The following NPNT variants were observed in gnomAD, a reference collection of about 807,000 sequenced individuals.
NPNT encodes the protein preosteoblast EGF-like repeat protein with MAM domain.
In NPNT, 45 loss-of-function variants were observed where a neutral mutation model predicts 68.6. That is an observed-to-expected ratio of 0.66 (90% CI 0.52 to 0.84). The LOEUF is 0.84. NPNT is among the 40% of genes least tolerant of loss of function. The pLI is 0.00. For missense variants in NPNT, 672 were observed against 714.8 expected (o/e 0.94, Z 0.68); for synonymous variants, 233 against 253.3 (o/e 0.92, Z 0.76).
At chr4:105,941,963 C>A (rs1467208127) in intron 7 of NPNT, among the ~76,000 whole-genome samples, 1 of 151,990 alleles carries the variant, frequency 6.6e-6, no homozygotes, top group Non-Finnish European at 1.5e-5. Context: ...TTTAAAAATT[C>A]TCATTGGTTG....
intron 8 of NPNT, among the ~76,000 whole-genome samples, chr4:105,956,105 T>C (rs1370428089): frequency 6.6e-6 from 1 of 152,080 alleles, no homozygotes; most frequent in African/African-American, 2.4e-5. Flanking sequence ...CCATCTGACA[T>C]TTTACAAGTT....
chr4:105,900,330 T>C (rs1248201833), intron 2 of NPNT, among the ~76,000 whole-genome samples: 5 of 152,132 alleles, frequency 3.3e-5, no homozygotes, highest in Non-Finnish European at 7.4e-5. Context: ...AGAAGGTGTG[T>C]TTGTAGGTAG....
rs765515665 is a variant in NPNT, at chr4:105,940,116, T to C, written c.547T>C (p.Phe183Leu). Residue 183 changes from phenylalanine (F) to leucine (L), a missense_variant, in exon 6 of 12, where the codon TTT becomes CTT. Coordinates refer to ENST00000379987, the MANE Select transcript of NPNT (RefSeq NM_001033047.3). ...TACAGGAAGAGCCTCCTGCCCTAGATTTAGGCAATGTGTCAACACTTTTGG... is the reference window on the plus strand; with the variant it reads ...TACAGGAAGAGCCTCCTGCCCTAGACTTAGGCAATGTGTCAACACTTTTGG... ...CATGRASCPR[F>L]RQCVNTFGSY... 1 of 1,612,678 alleles carries C rather than the reference T, an allele frequency of 6.2e-7. No individual in the cohort carries two copies. Among genetic ancestry groups the C allele is most frequent in the South Asian group, 1.1e-5 (1 of 91,062 alleles).
At chr4:105,939,038 A>C (rs1729717965) in intron 5 of NPNT, among the ~76,000 whole-genome samples, 1 of 152,176 alleles carries the variant, frequency 6.6e-6, no homozygotes, top group African/African-American at 2.4e-5. Flanking sequence ...AATGAATGGA[A>C]GTGTTTGGTG....
chr4:105,958,852 T>C (rs1731452163), intron 9 of NPNT, 176 bp from the exon 10 acceptor site: 1 of 579,700 alleles, frequency 1.7e-6, no homozygotes, highest in Non-Finnish European at 3.1e-6. Context: ...TTACAGATGA[T>C]GCACTATTGT....
intron 2 of NPNT, among the ~76,000 whole-genome samples, chr4:105,906,915 G>A (rs543072760): frequency 4.9e-4 from 75 of 152,232 alleles, no homozygotes; most frequent in African/African-American, 1.7e-3. Flanking sequence ...AAGGAGGAAA[G>A]GCATGAACAT....
intron 9 of NPNT, 73 bp from the exon 10 acceptor site, chr4:105,958,955 C>G (rs1470043877): frequency 2.2e-6 from 2 of 923,920 alleles, no homozygotes; most frequent in Non-Finnish European, 3.6e-6. Context: ...CTAGATACCC[C>G]TAGTTCATAG....
At chr4:105,919,302 G>C (rs62317723) in intron 2 of NPNT, among the ~76,000 whole-genome samples, 51,844 of 151,366 alleles carry the variant, frequency 0.34, 9,269 homozygotes, top group Middle Eastern at 0.42. Context: ...CCATTTTTAA[G>C]TAACTTACAG....
chr4:105,949,500 C>G (rs990655010), intron 8 of NPNT, among the ~76,000 whole-genome samples: 5 of 152,110 alleles, frequency 3.3e-5, no homozygotes, highest in African/African-American at 1.2e-4. Context: ...GCCAGAAAAG[C>G]AGCTATAAGT....
intron 1 of NPNT, 76 bp downstream of exon 1, chr4:105,895,799 C>T: frequency 9.8e-6 from 13 of 1,321,354 alleles, no homozygotes; most frequent in South Asian, 1.3e-5. Flanking sequence ...CACTTTTCCC[C>T]GCGGGGTTTC....
intron 2 of NPNT, among the ~76,000 whole-genome samples, chr4:105,920,396 A>AAAAAAAAAAAAAAAAAAAAAAAAAAAAAC (rs1728167283): frequency 3.9e-4 from 1 of 2,594 alleles, no homozygotes; most frequent in African/African-American, 5.6e-4. Context: ...TTACTCTACT[A>AAAAAAAAAAAAAAAAAAAAAAAAAAAAAC]AAAAAAAAAA....
intron 7 of NPNT, 84 bp from the exon 8 acceptor site, chr4:105,942,223 A>G: frequency 2.0e-6 from 2 of 1,023,886 alleles, no homozygotes; most frequent in Non-Finnish European, 2.9e-6. Flanking sequence ...AGTTGTCATT[A>G]GATGTTTTTA....
At position 105,942,557 on chromosome 4, in the gene NPNT, C is replaced by G. The variant is rs531659716; in HGVS notation, c.1014C>G (p.Leu338=). 2 of 1,613,978 alleles carry G rather than the reference C, an allele frequency of 1.2e-6. No individual in the cohort carries two copies. The highest frequency in any genetic ancestry group is 2.2e-5 in the East Asian group (1 of 44,838). Residue 338 remains leucine, a synonymous_variant, in exon 8 of 12, where the codon CTC becomes CTG. Transcript: ENST00000379987. ...PPPPPPLPTE[L]RTPLPPTTPE... The stretch of plus-strand genomic sequence containing the variant: ...CACCACCACCCCTGCCAACAGAGCT[C>G]AGAACACCTCTACCACCTACAACCC...
intron 10 of NPNT, among the ~76,000 whole-genome samples, chr4:105,959,858 A>G (rs557273643): frequency 1.1e-3 from 155 of 138,846 alleles, no homozygotes; most frequent in Non-Finnish European, 2.0e-3. Flanking sequence ...TGCCCAGGCT[A>G]GAGTGCAGTG....
chr4:105,901,362 G>T (rs1281609598), intron 2 of NPNT, among the ~76,000 whole-genome samples: 1 of 152,158 alleles, frequency 6.6e-6, no homozygotes, highest in African/African-American at 2.4e-5. Context: ...GCTCTAAACT[G>T]CAACTGAAAA....
Position 105,957,491 on chromosome 4 carries a change from AGT to A in NPNT, c.1160-976_1160-975del, listed in dbSNP as rs755786211. Among the ~76,000 whole-genome samples the A allele has an allele frequency of 2.4e-4, 37 of 152,288 alleles. 1 individual carries two copies. The highest frequency in any genetic ancestry group is 6.2e-4 in the South Asian group (3 of 4,824). ...GTCCCACTTGTGTCCTTTGAGGAAA[AGT>A]GTGAAATACTACCTGGGGTTCTAAC... On this transcript the variant is annotated intron_variant, in intron 8 of 11. Transcript: ENST00000379987.
At chr4:105,909,881 T>C (rs1022349051) in intron 2 of NPNT, among the ~76,000 whole-genome samples, 1 of 152,344 alleles carries the variant, frequency 6.6e-6, no homozygotes, top group Admixed American at 6.5e-5. Flanking sequence ...TGTGTCATGC[T>C]GTGCTGCTTG....
At chr4:105,936,608 C>T (rs1482787604) in intron 3 of NPNT, among the ~76,000 whole-genome samples, 2 of 152,174 alleles carry the variant, frequency 1.3e-5, no homozygotes, top group African/African-American at 2.4e-5. Flanking sequence ...AGACATTGAA[C>T]GAATAGGGTT....
In NPNT at chr4:105,942,689, A is replaced by G. The variant is rs138440981; in HGVS notation, c.1146A>G (p.Arg382=). 1.9e-4 allele frequency: 299 copies of G among 1,609,760 alleles called. No homozygotes were observed. The highest frequency in any genetic ancestry group is 1.7e-3 in the African/African-American group (125 of 74,872). ...TACAGACAGACCCTCAGAAACCCAG[A>G]GGAGATGTGTTCAGTAAGTCTAATA... is the stretch of plus-strand genomic sequence containing the variant. ...NRVQTDPQKP[R]GDVFIPRQPS... Residue 382 remains arginine, a synonymous_variant, in exon 8 of 12, where the codon AGA becomes AGG. Transcript: ENST00000379987.
Sources: allele counts gnomAD v4.1 joint callset (sites outside exome capture counted in the v4.1 genomes callset), GRCh38; gene constraint gnomAD v4.1.1; transcripts MANE v1.5; gene names NCBI Gene and HGNC (gene_info 2026-07-23, HGNC 2026-07-21).